The following LYST variants were observed in gnomAD, a reference collection of about 807,000 sequenced individuals.
LYST encodes lysosomal-trafficking regulator.
A neutral mutation model predicts 413.6 loss-of-function variants in LYST; 192 were observed. The ratio of observed to expected loss-of-function variants is 0.46; its 90% confidence interval spans 0.41 to 0.52. The LOEUF is 0.52. LYST is among the 20% of genes least tolerant of loss of function. LYST has a pLI of 0.00. For missense variants in LYST, 3,815 were observed against 4,499.9 expected, an observed-to-expected ratio of 0.85 and a Z score of 4.35; for synonymous variants, 1,525 against 1,567.3, an observed-to-expected ratio of 0.97 and a Z score of 0.64.
intron 47 of LYST, among the ~76,000 whole-genome samples, chr1:235,691,683 A>C (rs1660661282): frequency 6.8e-6 from 1 of 147,792 alleles, no homozygotes; most frequent in Non-Finnish European, 1.5e-5. Context: ...TAAGTACTAT[A>C]AACATCAGAT....
At chr1:235,689,982 T>C (rs191367196) in intron 47 of LYST, among the ~76,000 whole-genome samples, 28 of 152,344 alleles carry the variant, frequency 1.8e-4, no homozygotes, top group African/African-American at 5.3e-4. Context: ...TTGTTCATCT[T>C]TGTCCTCTCT....
intron 40 of LYST, among the ~76,000 whole-genome samples, chr1:235,717,502 TG>T (rs1662951832): frequency 6.6e-6 from 1 of 152,186 alleles, no homozygotes; most frequent in Admixed American, 6.5e-5. Context: ...CAGAATCATG[TG>T]GTGTCCCTGT....
At chr1:235,717,892 A>G (rs996488063) in intron 40 of LYST, among the ~76,000 whole-genome samples, 1 of 144,576 alleles carries the variant, frequency 6.9e-6, no homozygotes, top group Non-Finnish European at 1.5e-5. Context: ...GGCTGCCTAC[A>G]TTTTTTTTTT....
chr1:235,664,985 G>T lies in LYST; in HGVS notation c.11039-364C>A, dbSNP rs1000217475. Among the ~76,000 whole-genome samples, 1 of 152,028 alleles carries T rather than the reference G, an allele frequency of 6.6e-6. No homozygotes were observed. Among genetic ancestry groups the T allele is most frequent in the Non-Finnish European group, 1.5e-5 (1 of 68,000 alleles). ...ATTTTTATATTTTTAGTAGAAATGG[G>T]TTTTTGCCATGTTGGCTAGGCTAGT... On this transcript the variant is annotated intron_variant, in intron 50 of 52. Coordinates refer to ENST00000389793, the MANE Select transcript of LYST (RefSeq NM_000081.4). The surrounding 1 kb of genome is among the most constrained non-coding windows in gnomAD (Gnocchi z 4.5).
At chr1:235,748,039 T>C (rs539188013) in intron 28 of LYST, among the ~76,000 whole-genome samples, 1 of 152,298 alleles carries the variant, frequency 6.6e-6, no homozygotes, top group East Asian at 1.9e-4. Flanking sequence ...GAGGGCTGAA[T>C]AAACGGATAA....
chr1:235,738,481 G>A, intron 31 of LYST: 1 of 1,612,372 alleles, frequency 6.2e-7, no homozygotes, highest in East Asian at 2.2e-5. Flanking sequence ...GTTATTGGAA[G>A]TGGTTGCAAT....
intron 10 of LYST, among the ~76,000 whole-genome samples, chr1:235,796,068 T>G (rs925350751): frequency 4.3e-4 from 65 of 152,142 alleles, no homozygotes; most frequent in African/African-American, 1.5e-3. Context: ...AAAACAGTGA[T>G]GTAGTCAATA....
At position 235,810,189 on chromosome 1, in the gene LYST, G is replaced by A; in HGVS notation, c.629C>T (p.Thr210Ile). The A allele has an allele frequency of 6.2e-7, 1 of 1,614,126 alleles. No individual in the cohort carries two copies. Reference sequence around the variant, plus strand: ...AGCATCTGGAGGAGTCTGTTCTTTGGTTGCTAAGCGGTCAAGTTTAGCTTT... The same window carrying A: ...AGCATCTGGAGGAGTCTGTTCTTTGATTGCTAAGCGGTCAAGTTTAGCTTT... Reference protein sequence around the residue: ...HPKAKLDRLATKEQTPPDAMA... With the variant: ...HPKAKLDRLAIKEQTPPDAMA... Residue 210 changes from threonine (T) to isoleucine (I), a missense_variant, in exon 5 of 53, where the codon ACC (threonine) becomes ATC (isoleucine). Thr to Ile is a moderately conservative substitution (Grantham distance 89, BLOSUM62 -1). Around this residue, in one of 4 missense-constraint regions of LYST, gnomAD observed 1,648 missense variants for 1,810.3 expected, o/e 0.91. Coordinates refer to ENST00000389793, the MANE Select transcript of LYST (RefSeq NM_000081.4).
At chr1:235,767,292 G>A (rs6694308) in intron 20 of LYST, among the ~76,000 whole-genome samples, 2,511 of 152,080 alleles carry the variant, frequency 0.017, 69 homozygotes, top group African/African-American at 0.054. Flanking sequence ...GGGTATTACT[G>A]AATTGGAGTA....
At chr1:235,852,007 A>G (rs1678596296) in intron 1 of LYST, among the ~76,000 whole-genome samples, 1 of 152,224 alleles carries the variant, frequency 6.6e-6, no homozygotes, top group Non-Finnish European at 1.5e-5. Context: ...TATTAACTTT[A>G]AAAGAAATGA....
At chr1:235,727,139 T>TC (rs1663955589) in intron 38 of LYST, among the ~76,000 whole-genome samples, 1 of 150,910 alleles carries the variant, frequency 6.6e-6, no homozygotes, top group African/African-American at 2.4e-5. Flanking sequence ...TTTTTTTTTT[T>TC]TGAGACAGAG....
intron 40 of LYST, 140 bp from the exon 41 acceptor site, chr1:235,716,918 G>A: frequency 5.2e-6 from 3 of 572,906 alleles, no homozygotes; most frequent in Non-Finnish European, 9.4e-6. Context: ...ATATTGTTTT[G>A]TAACTAACAG....
At chr1:235,728,780 A>G (rs1363795159) in intron 37 of LYST, among the ~76,000 whole-genome samples, 1 of 152,126 alleles carries the variant, frequency 6.6e-6, no homozygotes, top group African/African-American at 2.4e-5. Context: ...GAAGGGTACT[A>G]TCTCCATCCT....
chr1:235,831,280 G>A (rs1259403049), intron 2 of LYST, among the ~76,000 whole-genome samples: 1 of 152,182 alleles, frequency 6.6e-6, no homozygotes, highest in Non-Finnish European at 1.5e-5. Context: ...ATATGACTAT[G>A]CCTCTTGCCA....
intron 1 of LYST, among the ~76,000 whole-genome samples, chr1:235,842,748 A>C (rs1420339677): frequency 1.3e-5 from 2 of 152,146 alleles, no homozygotes; most frequent in African/African-American, 4.8e-5. Flanking sequence ...ATGGTCACTA[A>C]AGTCAGTCAA....
At position 235,755,540 on chromosome 1, in the gene LYST, A is replaced by G. The variant is rs1666960598; in HGVS notation, c.7167T>C (p.Thr2389=). The G allele has an allele frequency of 6.2e-7, 1 of 1,613,666 alleles. No homozygotes were observed. Among genetic ancestry groups the G allele is most frequent in the South Asian group, 1.1e-5 (1 of 91,072 alleles). The change falls in exon 25 of 53, where the codon ACT becomes ACC. Residue 2389 remains threonine (T), a synonymous_variant. Coordinates refer to ENST00000389793, the MANE Select transcript of LYST (RefSeq NM_000081.4). Reference sequence around the variant, plus strand: ...CGATGAAGCATTCTAACAATTCTTGAGTTCCTCGATGAAGATACAACTGGT... The same window carrying G: ...CGATGAAGCATTCTAACAATTCTTGGGTTCCTCGATGAAGATACAACTGGT... The part of the protein sequence containing the change: ...LANQLYLHRG[T]QELLECFIEM...
upstream of LYST, among the ~76,000 whole-genome samples, chr1:235,868,667 A>G (rs1388423903): frequency 3.3e-5 from 5 of 152,076 alleles, no homozygotes; most frequent in Admixed American, 6.5e-5. Context: ...GCCATTTGTG[A>G]CTATTATTTT....
rs1012091823 is a variant in LYST, at chr1:235,738,595, C to T, written c.8358+2827G>A. On this transcript the variant is annotated intron_variant, in intron 31 of 52. Transcript: ENST00000389793. ...GGGGAACATGGAGATTCTAGTGTGC[C>T]TGTATGGAGTAAAGCAAATGTTACT... 3 of 1,609,390 alleles carry T rather than the reference C, an allele frequency of 1.9e-6. No homozygotes were observed. In the Admixed American group the frequency reaches 5.0e-5, roughly 27 times the overall value.
chr1:235,853,201 G>A (rs1678752029), intron 1 of LYST: 1 of 165,226 alleles, frequency 6.1e-6, no homozygotes, highest in Non-Finnish European at 1.5e-5. Context: ...AAATGACTTG[G>A]AAGAAAAATG....
Sources: gnomAD v4.1 joint callset for allele counts (sites outside exome capture counted in the v4.1 genomes callset) on GRCh38, gnomAD v4.1.1 for gene constraint, gnomAD v4.1.1 regional missense constraint, Gnocchi (gnomAD v3.1) non-coding constraint, MANE v1.5 for transcripts, NCBI Gene and HGNC (gene_info 2026-07-23, HGNC 2026-07-21) for gene names.